RBCK1: variants seen among roughly 807,000 people sequenced by gnomAD.
The protein encoded by RBCK1 is RANBP2-type and C3HC4-type zinc finger containing 1.
RBCK1 carries 44 observed loss-of-function variants against 71.1 expected under a neutral mutation model. The observed-to-expected ratio is 0.62, with a 90% CI of 0.49 to 0.80. The LOEUF (loss-of-function observed/expected upper bound fraction) is 0.80, where lower values mean the gene tolerates loss of function less well. RBCK1 is among the 30% of genes least tolerant of loss of function. RBCK1 has a pLI of 0.00. For synonymous variants in RBCK1, 306 were observed against 279.7 expected, an observed-to-expected ratio of 1.09 and a Z score of -0.94; for missense variants, 569 against 685.0, an observed-to-expected ratio of 0.83 and a Z score of 1.89.
intron 8 of RBCK1, 142 bp from the exon 9 acceptor site, chr20:427,171 A>G (rs1249864119): frequency 2.7e-6 from 2 of 740,350 alleles, no homozygotes; most frequent in Non-Finnish European, 4.3e-6. Flanking sequence ...GTTTTTCAAC[A>G]CTATGAGGAT....
chr20:428,663 T>G lies in RBCK1; in HGVS notation c.1308+74T>G. On this transcript the variant is annotated intron_variant, in intron 10 of 11. Transcript: ENST00000356286. This position sits in a 1 kb window ranked among gnomAD's most constrained non-coding sequence, Gnocchi z 5.7. ...CAGGTGGGGGCTGGGGGCTTCCCAG[T>G]AAGGGCTGTGCTCACACATCCCTGG... The G allele has an allele frequency of 6.8e-7, 1 of 1,461,704 alleles. No homozygotes were observed. 90.5% of individuals were successfully genotyped at this position (1,461,704 alleles called of 1,614,324 possible).
At chr20:427,213 G>A in intron 8 of RBCK1, 100 bp from the exon 9 acceptor site, 2 of 1,174,434 alleles carry the variant, frequency 1.7e-6, no homozygotes, top group Middle Eastern at 2.0e-4. Flanking sequence ...GGCTGGGTTG[G>A]AGTTTCTGGG....
Position 412,925 on chromosome 20 carries a change from T to C in RBCK1, c.167+2900T>C, listed in dbSNP as rs7267656. Among the ~76,000 whole-genome samples the C allele has an allele frequency of 3.6e-3, 545 of 152,344 alleles. 1 individual carries two copies. The highest frequency in any genetic ancestry group is 0.012 in the African/African-American group (505 of 41,574). On this transcript the variant is annotated intron_variant, in intron 2 of 11. Coordinates refer to ENST00000356286, the MANE Select transcript of RBCK1 (RefSeq NM_031229.4). ...CTAAAGATTTTATGGTTTTAGCTCT[T>C]ACATTTAGGTCTTTGGTCCATTTTG... is the stretch of plus-strand genomic sequence containing the variant.
At chr20:426,901 C>CTGAG (rs1490286370) in intron 8 of RBCK1, among the ~76,000 whole-genome samples, 1 of 140,232 alleles carries the variant, frequency 7.1e-6, no homozygotes, top group Non-Finnish European at 1.5e-5. Context: ...TCATGGCTCA[C>CTGAG]TGCATCCTTG....
chr20:417,641 G>A lies in RBCK1; in HGVS notation c.261+22G>A, dbSNP rs767320205. The A allele has an allele frequency of 1.9e-5, 30 of 1,609,732 alleles. No individual in the cohort carries two copies. The highest frequency in any genetic ancestry group is 1.1e-4 in the African/African-American group (8 of 74,958). On this transcript the variant is annotated intron_variant, in intron 3 of 11. Coordinates refer to ENST00000356286, the MANE Select transcript of RBCK1 (RefSeq NM_031229.4). This position sits in a 1 kb window ranked among gnomAD's most constrained non-coding sequence, Gnocchi z 4.7. ...CATGGTGAGTGAGGAGGCGGAGGGC[G>A]ACACTGGGGTGAAGGCTCTCCCTTT...
chr20:430,679 G>C lies in RBCK1; in HGVS notation c.*249G>C. 1.8e-6 allele frequency: 1 copy of C among 547,070 alleles called. No homozygotes were observed. Among genetic ancestry groups the C allele is most frequent in the Non-Finnish European group, 3.3e-6 (1 of 303,342 alleles). The allele number at this position is 547,070 out of a possible 1,614,324, so 33.9% of individuals were successfully genotyped here. Reference sequence around the variant, plus strand: ...GCCTTAAACATAGCCCCTGGCCAGAGGCCTTGCTGGGTGGAGCCTCTGTGT... The same window carrying C: ...GCCTTAAACATAGCCCCTGGCCAGACGCCTTGCTGGGTGGAGCCTCTGTGT... On this transcript the variant is annotated 3_prime_UTR_variant, in exon 12 of 12. Transcript: ENST00000356286. The surrounding 1 kb of genome is among the most constrained non-coding windows in gnomAD (Gnocchi z 5.6).
Position 408,778 on chromosome 20 carries a change from A to G in RBCK1, c.21A>G (p.Lys7=), listed in dbSNP as rs1288403973. Residue 7 remains lysine (K), a splice_region_variant and synonymous_variant, in exon 1 of 12, where the codon AAA becomes AAG. Coordinates refer to ENST00000356286, the MANE Select transcript of RBCK1 (RefSeq NM_031229.4). MDEKTK[K]AEEMALSLTR... ...GCCAGATGGACGAGAAGACCAAGAA[A>G]GGTGGGCACAGGCTGGAGGTGGCTG... is the stretch of plus-strand genomic sequence containing the variant. 3.7e-6 allele frequency: 6 copies of G among 1,610,842 alleles called. No homozygotes were observed. Among genetic ancestry groups the G allele is most frequent in the Non-Finnish European group, 5.1e-6 (6 of 1,178,774 alleles).
Position 412,037 on chromosome 20 carries a change from T to TTA in RBCK1, c.167+2012_167+2013insTA, listed in dbSNP as rs553245482. Among the ~76,000 whole-genome samples, 144 of 152,384 alleles carry TTA rather than the reference T, an allele frequency of 9.4e-4. No individual in the cohort carries two copies. In the Middle Eastern group the frequency reaches 0.024, roughly 25 times the overall value. On this transcript the variant is annotated intron_variant, in intron 2 of 11. Transcript: ENST00000356286. Reference sequence around the variant, plus strand: ...GCTGGGTCATACAGTAACTCTATGTTACTTTTTGAAGAAATGCCAGACAGT... The same window carrying TTA: ...GCTGGGTCATACAGTAACTCTATGTTTAACTTTTTGAAGAAATGCCAGACAGT...
chr20:419,507 C>T (rs767493935), intron 5 of RBCK1, 39 bp downstream of exon 5: 2 of 1,603,484 alleles, frequency 1.2e-6, no homozygotes, highest in Non-Finnish European at 1.7e-6. Context: ...TTCTGTGCCC[C>T]TCCCTTGCCT....
chr20:423,840 G>C (rs765129534), intron 8 of RBCK1, among the ~76,000 whole-genome samples: 1 of 152,114 alleles, frequency 6.6e-6, no homozygotes, highest in Non-Finnish European at 1.5e-5. Flanking sequence ...CGGTGGCCTG[G>C]TTTATAATGG....
chr20:417,633 C>T lies in RBCK1; in HGVS notation c.261+14C>T, dbSNP rs770038981. On this transcript the variant is annotated intron_variant, in intron 3 of 11. Coordinates refer to ENST00000356286, the MANE Select transcript of RBCK1 (RefSeq NM_031229.4). The surrounding 1 kb of genome is among the most constrained non-coding windows in gnomAD (Gnocchi z 4.7). The stretch of plus-strand genomic sequence containing the variant: ...CTCAAGGACATGGTGAGTGAGGAGG[C>T]GGAGGGCGACACTGGGGTGAAGGCT... The T allele has an allele frequency of 2.5e-5, 41 of 1,611,682 alleles. No homozygotes were observed. The highest frequency in any genetic ancestry group is 2.2e-4 in the East Asian group (10 of 44,808).
Position 418,005 on chromosome 20 carries a change from G to A in RBCK1, c.460+75G>A, listed in dbSNP as rs759717818. ...ACTTGAGGGCATAGGGCAAGCAGGG[G>A]CAGAGCCCCTGGGTTTTTAGTCAGG... On this transcript the variant is annotated intron_variant, in intron 4 of 11. Transcript: ENST00000356286. The A allele has an allele frequency of 3.5e-6, 5 of 1,447,332 alleles. No individual in the cohort carries two copies. In the South Asian group the frequency reaches 3.9e-5, roughly 11 times the overall value. The allele number at this position is 1,447,332 out of a possible 1,614,324, so 89.7% of individuals were successfully genotyped here. A position where few individuals can be genotyped will look rare whatever the true frequency, so the allele number is the denominator to read the frequency against.
At position 430,561 on chromosome 20, in the gene RBCK1, C is replaced by T; in HGVS notation, c.*131C>T. 2 of 879,746 alleles carry T rather than the reference C, an allele frequency of 2.3e-6. No individual in the cohort carries two copies. Among genetic ancestry groups the T allele is most frequent in the Admixed American group, 2.1e-5 (1 of 48,002 alleles). 54.5% of individuals were successfully genotyped at this position (879,746 alleles called of 1,614,324 possible). A position where few individuals can be genotyped will look rare whatever the true frequency, so the allele number is the denominator to read the frequency against. ...GGGCCCTGCCTGCACTGCGGTTGTC[C>T]ACGGTCACATCTGCCCCAGTGCCTT... On this transcript the variant is annotated 3_prime_UTR_variant, in exon 12 of 12. Transcript: ENST00000356286. The surrounding 1 kb of genome is among the most constrained non-coding windows in gnomAD (Gnocchi z 5.6).
chr20:425,159 C>T (rs1600306947), intron 8 of RBCK1, among the ~76,000 whole-genome samples: 1 of 152,010 alleles, frequency 6.6e-6, no homozygotes, highest in African/African-American at 2.4e-5. Context: ...TAGAGGCGCA[C>T]ACCGCCATGC....
chr20:425,316 T>C (rs913383456), intron 8 of RBCK1, among the ~76,000 whole-genome samples: 1 of 152,204 alleles, frequency 6.6e-6, no homozygotes, highest in Non-Finnish European at 1.5e-5. Context: ...CAGCCAGATA[T>C]GATTTTTTAA....
intron 2 of RBCK1, chr20:410,339 T>C: frequency 2.7e-6 from 2 of 740,554 alleles, no homozygotes; most frequent in East Asian, 5.0e-5. Context: ...GGAGTCCAGA[T>C]AGGGAGGTTC....
intron 8 of RBCK1, among the ~76,000 whole-genome samples, chr20:426,816 C>CTTTTTTTTTTTT (rs768525416): frequency 4.2e-5 from 4 of 95,508 alleles, no homozygotes; most frequent in East Asian, 2.8e-4. Context: ...TTTTCTTTTC[C>CTTTTTTTTTTTT]TTTTTTTTTT....
intron 4 of RBCK1, 94 bp from the exon 5 acceptor site, chr20:419,253 G>A: frequency 6.5e-7 from 1 of 1,542,914 alleles, no homozygotes; most frequent in Non-Finnish European, 8.8e-7. Flanking sequence ...AGGATAGGGG[G>A]AGGGTCTGCC....
Position 417,697 on chromosome 20 carries a change from T to G in RBCK1, c.262-35T>G, listed in dbSNP as rs781667012. 6.2e-7 allele frequency: 1 copy of G among 1,605,134 alleles called. No individual in the cohort carries two copies. The highest frequency in any genetic ancestry group is 1.1e-5 in the South Asian group (1 of 90,830). The stretch of plus-strand genomic sequence containing the variant: ...CTGCTTCCTCTCTCTCCTCTGGCCC[T>G]CCCTTCCCACTCTCCCTCTCTTTGC... On this transcript the variant is annotated intron_variant, in intron 3 of 11. Coordinates refer to ENST00000356286, the MANE Select transcript of RBCK1 (RefSeq NM_031229.4). The surrounding 1 kb of genome is among the most constrained non-coding windows in gnomAD (Gnocchi z 4.7).
Sources: gnomAD v4.1 joint callset for allele counts (sites outside exome capture counted in the v4.1 genomes callset) on GRCh38, gnomAD v4.1.1 for gene constraint, Gnocchi (gnomAD v3.1) non-coding constraint, MANE v1.5 for transcripts, NCBI Gene and HGNC (gene_info 2026-07-23, HGNC 2026-07-21) for gene names.